The following SHISA6 variants were observed in gnomAD, a reference collection of about 807,000 sequenced individuals.
SHISA6 encodes protein shisa-6.
A neutral mutation model predicts 47.9 loss-of-function variants in SHISA6; 22 were observed. The observed-to-expected ratio is 0.46, with a 90% CI of 0.33 to 0.66. The LOEUF (loss-of-function observed/expected upper bound fraction) is 0.66. Among genes scored for constraint, SHISA6 ranks in the 30% least tolerant of loss-of-function variants. The pLI is 0.02. For synonymous variants in SHISA6, 388 were observed against 337.8 expected, an observed-to-expected ratio of 1.15 and a Z score of -1.63; for missense variants, 680 against 764.6, an observed-to-expected ratio of 0.89 and a Z score of 1.30.
intron 2 of SHISA6, chr17:11,288,513 C>T (rs1909404410): frequency 6.6e-6 from 1 of 152,100 alleles, no homozygotes; most frequent in African/African-American, 2.4e-5. Context: ...CTGTGAATAG[C>T]CACTGCACTC....
chr17:11,502,570 T>TA (rs35588510), intron 3 of SHISA6, among the ~76,000 whole-genome samples: 4 of 148,158 alleles, frequency 2.7e-5, no homozygotes, highest in African/African-American at 7.5e-5. Flanking sequence ...CTACTAAAAG[T>TA]AAAAAAATTA....
intron 2 of SHISA6, among the ~76,000 whole-genome samples, chr17:11,295,483 A>G (rs1384949091): frequency 6.6e-6 from 1 of 152,238 alleles, no homozygotes; most frequent in East Asian, 1.9e-4. Flanking sequence ...ATTAATACAA[A>G]TTATTGTAAG....
chr17:11,307,698 T>G (rs1327582977), intron 2 of SHISA6, among the ~76,000 whole-genome samples: 1 of 152,200 alleles, frequency 6.6e-6, no homozygotes, highest in Non-Finnish European at 1.5e-5. Flanking sequence ...TCATGCTGTT[T>G]GCATAAAGTC....
intron 3 of SHISA6, among the ~76,000 whole-genome samples, chr17:11,427,090 G>A (rs923198049): frequency 2.6e-5 from 4 of 152,068 alleles, no homozygotes; most frequent in Admixed American, 6.6e-5. Flanking sequence ...GGTGCCTTTC[G>A]GTCAGAGACA....
chr17:11,274,856 G>A (rs1365846819), intron 2 of SHISA6, among the ~76,000 whole-genome samples: 3 of 152,178 alleles, frequency 2.0e-5, no homozygotes, highest in Admixed American at 6.5e-5. Context: ...GAGGGAGGTT[G>A]TGTGGTCGGA....
At position 11,432,030 on chromosome 17, in the gene SHISA6, T is replaced by C. The variant is rs141366087; in HGVS notation, c.895+52521T>C. Among the ~76,000 whole-genome samples, 1,203 of 152,238 alleles carry C rather than the reference T, an allele frequency of 7.9e-3. 23 individuals are homozygous for C. Among genetic ancestry groups the C allele is most frequent in the African/African-American group, 0.027 (1,135 of 41,532 alleles). Reference sequence around the variant, plus strand: ...GTACACTAGAATCCTAAAAGCAAATTTGCTTGTAAGAGGGAACAAAAAGAT... The same window carrying C: ...GTACACTAGAATCCTAAAAGCAAATCTGCTTGTAAGAGGGAACAAAAAGAT... On this transcript the variant is annotated intron_variant, in intron 3 of 5. Coordinates refer to ENST00000441885, the MANE Select transcript of SHISA6 (RefSeq NM_207386.4).
At chr17:11,490,747 G>C (rs1916455470) in intron 3 of SHISA6, among the ~76,000 whole-genome samples, 1 of 152,240 alleles carries the variant, frequency 6.6e-6, no homozygotes, top group African/African-American at 2.4e-5. Context: ...TCCAGATTGT[G>C]TGTAAAGGGA....
At chr17:11,454,084 C>A (rs1915470905) in intron 3 of SHISA6, among the ~76,000 whole-genome samples, 1 of 152,092 alleles carries the variant, frequency 6.6e-6, no homozygotes, top group African/African-American at 2.4e-5. Context: ...CTTATATAAA[C>A]CAATAAGCTA....
chr17:11,259,252 G>A (rs570054983), intron 1 of SHISA6, among the ~76,000 whole-genome samples: 4 of 152,246 alleles, frequency 2.6e-5, no homozygotes, highest in Non-Finnish European at 4.4e-5. Context: ...CCTATGTTTG[G>A]AATGTGAATT....
intron 2 of SHISA6, among the ~76,000 whole-genome samples, chr17:11,353,313 T>C (rs889103184): frequency 6.6e-6 from 1 of 151,830 alleles, no homozygotes; most frequent in Non-Finnish European, 1.5e-5. Context: ...AAAAATTAGC[T>C]GGGTGTGGTG....
At chr17:11,388,881 C>T (rs1450879465) in intron 3 of SHISA6, among the ~76,000 whole-genome samples, 2 of 142,088 alleles carry the variant, frequency 1.4e-5, no homozygotes, top group Non-Finnish European at 3.0e-5. Flanking sequence ...GAGAGTTTCT[C>T]AGTCGGGTAG....
Position 11,471,878 on chromosome 17 carries a change from C to G in SHISA6, c.896-80018C>G, listed in dbSNP as rs1354036779. Among the ~76,000 whole-genome samples, 3 of 152,100 alleles carry G rather than the reference C, an allele frequency of 2.0e-5. No individual in the cohort carries two copies. In the East Asian group the frequency reaches 5.8e-4, roughly 29 times the overall value. On this transcript the variant is annotated intron_variant, in intron 3 of 5. Transcript: ENST00000441885. Reference sequence around the variant, plus strand: ...TACCCCCACACATGCATAGCTTCCCCCATTACCAACATCCCCCACTGTAGT... The same window carrying G: ...TACCCCCACACATGCATAGCTTCCCGCATTACCAACATCCCCCACTGTAGT...
intron 1 of SHISA6, among the ~76,000 whole-genome samples, chr17:11,260,149 G>T (rs1908172529): frequency 6.6e-6 from 1 of 152,116 alleles, no homozygotes; most frequent in African/African-American, 2.4e-5. Flanking sequence ...TGATCACAAT[G>T]ACTGTTTTCC....
intron 2 of SHISA6, among the ~76,000 whole-genome samples, chr17:11,277,865 A>G (rs1908979045): frequency 6.6e-6 from 1 of 152,206 alleles, no homozygotes; most frequent in African/African-American, 2.4e-5. Flanking sequence ...CAAGAAGATC[A>G]TACCTCGTTT....
chr17:11,249,353 G>C (rs1035425510), intron 1 of SHISA6, among the ~76,000 whole-genome samples: 1 of 151,942 alleles, frequency 6.6e-6, no homozygotes, highest in African/African-American at 2.4e-5. Flanking sequence ...TGTGATTTCA[G>C]GGTTATCTTC....
chr17:11,399,126 G>T (rs1294307785), intron 3 of SHISA6, among the ~76,000 whole-genome samples: 1 of 152,128 alleles, frequency 6.6e-6, no homozygotes, highest in Non-Finnish European at 1.5e-5. Context: ...TGGTAATTAA[G>T]GCTGGGGCTG....
intron 2 of SHISA6, among the ~76,000 whole-genome samples, chr17:11,365,736 C>T (rs1319581181): frequency 6.6e-6 from 1 of 152,108 alleles, no homozygotes; most frequent in Non-Finnish European, 1.5e-5. Context: ...TACAGGATAT[C>T]CCTCTTGTGG....
intron 3 of SHISA6, among the ~76,000 whole-genome samples, chr17:11,529,008 T>C (rs141622872): frequency 2.6e-5 from 4 of 151,984 alleles, no homozygotes; most frequent in Admixed American, 2.0e-4. Context: ...CTGGCCAACA[T>C]AGTGAAACCC....
At chr17:11,294,732 A>G (rs1290644752) in intron 2 of SHISA6, among the ~76,000 whole-genome samples, 2 of 152,144 alleles carry the variant, frequency 1.3e-5, no homozygotes, top group East Asian at 3.8e-4. Flanking sequence ...ACCAAACCTT[A>G]TATATACCCT....
Sources: gnomAD v4.1 joint callset for allele counts (sites outside exome capture counted in the v4.1 genomes callset) on GRCh38, gnomAD v4.1.1 for gene constraint, MANE v1.5 for transcripts, NCBI Gene and HGNC (gene_info 2026-07-23, HGNC 2026-07-21) for gene names.